Variants in DPH6 observed in about 807,000 individuals in gnomAD.
DPH6 encodes diphthine--ammonia ligase.
DPH6 carries 33 observed loss-of-function variants against 38.2 expected under a neutral mutation model. The ratio of observed to expected loss-of-function variants is 0.86; its 90% confidence interval spans 0.65 to 1.15. The LOEUF (loss-of-function observed/expected upper bound fraction) is 1.15, where lower values mean the gene tolerates loss of function less well. DPH6 is among the 50% of genes most tolerant of loss of function. The probability of loss-of-function intolerance (pLI) is 0.00; values close to 1 mark genes in which losing one functional copy is unlikely to be tolerated. For missense variants in DPH6, 325 were observed against 320.0 expected (o/e 1.02, Z -0.12); for synonymous variants, 108 against 103.0 (o/e 1.05, Z -0.30).
At chr15:35,512,134 T>A (rs1018013206) in intron 3 of DPH6, among the ~76,000 whole-genome samples, 3 of 152,150 alleles carry the variant, frequency 2.0e-5, no homozygotes, top group Non-Finnish European at 4.4e-5. Flanking sequence ...ATAATTTTCA[T>A]AAAGTGAAAT....
intron 3 of DPH6, among the ~76,000 whole-genome samples, chr15:35,314,186 T>C (rs1210588377): frequency 6.6e-6 from 1 of 151,782 alleles, no homozygotes; most frequent in Admixed American, 6.6e-5. Context: ...TCAACAAATA[T>C]GAAAAAATAC....
intron 3 of DPH6, among the ~76,000 whole-genome samples, chr15:35,462,939 A>G (rs1156710742): frequency 6.6e-6 from 1 of 152,158 alleles, no homozygotes; most frequent in Non-Finnish European, 1.5e-5. Context: ...AAATAAAATT[A>G]CCATTTGGTA....
chr15:35,515,899 T>C (rs1334429633), intron 3 of DPH6, among the ~76,000 whole-genome samples: 3 of 152,020 alleles, frequency 2.0e-5, no homozygotes, highest in Non-Finnish European at 4.4e-5. Flanking sequence ...CCTTGTTTTC[T>C]CATACAAACT....
chr15:35,366,521 T>C (rs2052662225), downstream of DPH6, among the ~76,000 whole-genome samples: 2 of 152,062 alleles, frequency 1.3e-5, no homozygotes, highest in South Asian at 2.1e-4. Context: ...TACATGCTCA[T>C]TGTTAAGAAG....
intron 3 of DPH6, among the ~76,000 whole-genome samples, chr15:35,241,865 T>C (rs912448735): frequency 1.4e-5 from 2 of 143,178 alleles, no homozygotes; most frequent in African/African-American, 5.1e-5. Context: ...AATTCCCCCA[T>C]TTTACCTGTC....
chr15:35,402,264 G>T (rs1039333267), intron 6 of DPH6, among the ~76,000 whole-genome samples: 2 of 152,122 alleles, frequency 1.3e-5, no homozygotes, highest in African/African-American at 4.8e-5. Flanking sequence ...AAACCTCTGT[G>T]CAGTTCAACT....
intron 3 of DPH6, among the ~76,000 whole-genome samples, chr15:35,280,598 C>A (rs1428349005): frequency 6.6e-6 from 1 of 152,144 alleles, no homozygotes; most frequent in South Asian, 2.1e-4. Flanking sequence ...TTGGATTACT[C>A]CATATTAGGT....
chr15:35,521,517 G>A, intron 3 of DPH6: 2 of 1,219,892 alleles, frequency 1.6e-6, no homozygotes, highest in South Asian at 4.3e-5. Context: ...ATAGGACTAT[G>A]AAGAGTTGTG....
intron 5 of DPH6, among the ~76,000 whole-genome samples, chr15:35,430,356 T>C (rs1339847338): frequency 6.6e-6 from 1 of 151,894 alleles, no homozygotes; most frequent in Non-Finnish European, 1.5e-5. Flanking sequence ...CTTTAACTTT[T>C]TTTTTGCCAC....
At chr15:35,412,105 T>C (rs1595541081) in intron 5 of DPH6, among the ~76,000 whole-genome samples, 1 of 151,854 alleles carries the variant, frequency 6.6e-6, no homozygotes, top group South Asian at 2.1e-4. Flanking sequence ...GCAAAGAACA[T>C]CTGATAAAGG....
intron 3 of DPH6, among the ~76,000 whole-genome samples, chr15:35,239,353 C>T (rs963889958): frequency 7.0e-6 from 1 of 143,790 alleles, no homozygotes; most frequent in Non-Finnish European, 1.5e-5. Context: ...AAAAGAGACA[C>T]GTTTTATCTG....
At chr15:35,177,576 T>C in the DPH6 span, among the ~76,000 whole-genome samples, 2 of 78,156 alleles carry the variant, frequency 2.6e-5, no homozygotes, top group African/African-American at 5.2e-5. Context: ...AAAGATCCCA[T>C]CTCCAAAAAA....
At chr15:35,428,574 T>G (rs1380659855) in intron 5 of DPH6, among the ~76,000 whole-genome samples, 1 of 152,084 alleles carries the variant, frequency 6.6e-6, no homozygotes, top group Non-Finnish European at 1.5e-5. Context: ...ATCTCCTGGG[T>G]CACAATTTGG....
intron 3 of DPH6, among the ~76,000 whole-genome samples, chr15:35,339,331 T>G (rs1336594673): frequency 6.6e-6 from 1 of 151,450 alleles, no homozygotes; most frequent in East Asian, 1.9e-4. Flanking sequence ...ATTATTATTA[T>G]TATTATTATT....
At chr15:35,245,232 C>CTT (rs71123123) in intron 3 of DPH6, among the ~76,000 whole-genome samples, 1,112 of 81,346 alleles carry the variant, frequency 0.014, no homozygotes, top group East Asian at 0.025. Context: ...ATTGTTCTTG[C>CTT]TTTTTTTTTT....
At chr15:35,246,348 A>G (rs1473019886) in intron 3 of DPH6, among the ~76,000 whole-genome samples, 4 of 152,348 alleles carry the variant, frequency 2.6e-5, no homozygotes, top group African/African-American at 9.6e-5. Context: ...ATTGTCAGAC[A>G]CTGCTTCAAA....
downstream of DPH6, among the ~76,000 whole-genome samples, chr15:35,213,887 T>C (rs2589537): frequency 1 from 152,252 of 152,264 alleles, 76,120 homozygotes; most frequent in Middle Eastern, 1. Flanking sequence ...CCGAGGCGGG[T>C]GGATCACAAG....
chr15:35,403,716 C>T (rs907708779), intron 6 of DPH6, among the ~76,000 whole-genome samples: 6 of 152,098 alleles, frequency 3.9e-5, no homozygotes, highest in Middle Eastern at 3.4e-3. Context: ...CCACATTGCC[C>T]AGGCTGGTCT....
chr15:35,249,887 G>C (rs2051660235), intron 3 of DPH6, among the ~76,000 whole-genome samples: 1 of 152,094 alleles, frequency 6.6e-6, no homozygotes, highest in South Asian at 2.1e-4. Flanking sequence ...AATACGGCCG[G>C]GCGCGGTGGC....
Sources: allele counts gnomAD v4.1 joint callset (sites outside exome capture counted in the v4.1 genomes callset), GRCh38; gene constraint gnomAD v4.1.1; transcripts MANE v1.5; gene names NCBI Gene and HGNC (gene_info 2026-07-23, HGNC 2026-07-21).